Variants in FAM81B observed in about 807,000 individuals in gnomAD.
FAM81B encodes the protein family with sequence similarity 81 member B.
A neutral mutation model predicts 58.7 loss-of-function variants in FAM81B; 60 were observed. The ratio of observed to expected loss-of-function variants is 1.02; its 90% CI spans 0.83 to 1.27. FAM81B has a LOEUF of 1.27. Ranked by LOEUF, FAM81B falls within the 50% of genes most tolerant of loss-of-function variation. FAM81B has a pLI of 0.00. For missense variants in FAM81B, 491 were observed against 522.0 expected, an observed-to-expected ratio of 0.94 and a Z score of 0.58; for synonymous variants, 189 against 179.6, an observed-to-expected ratio of 1.05 and a Z score of -0.42.
chr5:95,443,965 A>G (rs558279299), intron 7 of FAM81B, among the ~76,000 whole-genome samples: 3 of 152,168 alleles, frequency 2.0e-5, no homozygotes, highest in African/African-American at 7.2e-5. Flanking sequence ...TTTATTTGTT[A>G]TACAGTAAAG....
At chr5:95,448,846 A>G in intron 9 of FAM81B, 1 of 411,512 alleles carries the variant, frequency 2.4e-6, no homozygotes, top group Non-Finnish European at 4.7e-6. Flanking sequence ...TCATTGAACT[A>G]CAAGTAATGA....
intron 3 of FAM81B, among the ~76,000 whole-genome samples, chr5:95,398,484 T>C (rs1413968627): frequency 1.3e-5 from 2 of 152,060 alleles, no homozygotes; most frequent in Non-Finnish European, 2.9e-5. Flanking sequence ...ATAGTTTTCA[T>C]TGGGTGACAA....
At chr5:95,395,341 G>GCTGAGGCAGGAGA (rs2152759912) in intron 2 of FAM81B, among the ~76,000 whole-genome samples, 1 of 151,546 alleles carries the variant, frequency 6.6e-6, no homozygotes, top group South Asian at 2.1e-4. Context: ...TACGCAGGAG[G>GCTGAGGCAGGAGA]CTGAGGCAGG....
intron 5 of FAM81B, among the ~76,000 whole-genome samples, chr5:95,426,594 G>T (rs1762836930): frequency 6.6e-6 from 1 of 152,170 alleles, no homozygotes; most frequent in Non-Finnish European, 1.5e-5. Context: ...TTACAGTTTT[G>T]AAGGTTGCGC....
At chr5:95,433,644 G>A (rs1196994073) in intron 6 of FAM81B, among the ~76,000 whole-genome samples, 1 of 152,048 alleles carries the variant, frequency 6.6e-6, no homozygotes, top group Non-Finnish European at 1.5e-5. Flanking sequence ...ATTGTTTTTG[G>A]TGGCTGGATA....
chr5:95,432,455 A>G (rs2152767810), intron 6 of FAM81B, among the ~76,000 whole-genome samples: 1 of 152,228 alleles, frequency 6.6e-6, no homozygotes, highest in South Asian at 2.1e-4. Flanking sequence ...TATTATAAGT[A>G]TTCTTTAAGG....
chr5:95,425,174 C>A lies in FAM81B; in HGVS notation c.657-3429C>A, dbSNP rs866043217. 1.4e-3 allele frequency among the ~76,000 whole-genome samples: 175 copies of A among 127,188 alleles called. 2 individuals carry two copies. The highest frequency in any genetic ancestry group is 0.014 in the Middle Eastern group (3 of 222). The allele number at this position is 127,188 out of a possible 152,430, so 83.4% of individuals were successfully genotyped here. A position where few individuals can be genotyped will look rare whatever the true frequency, so the allele number is the denominator to read the frequency against. Reference sequence around the variant, plus strand: ...TGAAGAAGAAACAGAACGAATTCTTCAAAAAAAAAAAAATCATGCCTATAA... The same window carrying A: ...TGAAGAAGAAACAGAACGAATTCTTAAAAAAAAAAAAAATCATGCCTATAA... On this transcript the variant is annotated intron_variant, in intron 5 of 9. Transcript: ENST00000283357.
chr5:95,411,946 C>T lies in FAM81B; in HGVS notation c.294-2001C>T, dbSNP rs144368088. Among the ~76,000 whole-genome samples, 625 of 152,232 alleles carry T rather than the reference C, an allele frequency of 4.1e-3. 2 individuals carry two copies. The highest frequency in any genetic ancestry group is 0.011 in the South Asian group (55 of 4,822). ...CTGCAAATGATGTGAAGATGAAATACACAGCATAGCAAATTGTGAAAAGTA... is the reference window on the plus strand; with the variant it reads ...CTGCAAATGATGTGAAGATGAAATATACAGCATAGCAAATTGTGAAAAGTA... On this transcript the variant is annotated intron_variant, in intron 3 of 9. Transcript: ENST00000283357.
chr5:95,413,947 G>A lies in FAM81B; in HGVS notation c.294G>A (p.Lys98=). ...NSTDLVEYVD[K]SHAFLPIIPN... ...GTTTCCTTTTCCTTTTTCTGATCAG[G>A]AGTCATGCTTTTCTCCCCATCATTC... The change falls in exon 4 of 10, where the codon AAG becomes AAA. Residue 98 remains lysine (K), a splice_region_variant and synonymous_variant. Transcript: ENST00000283357. 1 of 1,611,312 alleles carries A rather than the reference G, an allele frequency of 6.2e-7. No homozygotes were observed. The highest frequency in any genetic ancestry group is 8.5e-7 in the Non-Finnish European group (1 of 1,178,942).
intron 6 of FAM81B, among the ~76,000 whole-genome samples, chr5:95,429,604 C>G (rs781295223): frequency 6.6e-6 from 1 of 152,196 alleles, no homozygotes; most frequent in Non-Finnish European, 1.5e-5. Context: ...ACTCACCCAT[C>G]TTATTAGGCC....
chr5:95,415,961 A>G (rs1456617572), intron 4 of FAM81B, among the ~76,000 whole-genome samples: 1 of 152,224 alleles, frequency 6.6e-6, no homozygotes, highest in Non-Finnish European at 1.5e-5. Flanking sequence ...ACTATCTTAG[A>G]TTAGCTCTCT....
At chr5:95,439,607 AT>A (rs147473362) in intron 7 of FAM81B, among the ~76,000 whole-genome samples, 26,254 of 122,326 alleles carry the variant, frequency 0.21, 3,780 homozygotes, top group African/African-American at 0.51. Context: ...AGACAGGGTT[AT>A]TTTTTTTTTC....
intron 3 of FAM81B, among the ~76,000 whole-genome samples, chr5:95,408,214 C>T (rs1762316259): frequency 6.6e-6 from 1 of 152,100 alleles, no homozygotes; most frequent in African/African-American, 2.4e-5. Context: ...TAGCTTGCTT[C>T]TTCAAGAAAC....
chr5:95,443,316 CTTTAA>C (rs1179956257), intron 7 of FAM81B, among the ~76,000 whole-genome samples: 1 of 152,026 alleles, frequency 6.6e-6, no homozygotes, highest in Non-Finnish European at 1.5e-5. Flanking sequence ...TCGGTGTGTA[CTTTAA>C]TTTGATTAAA....
rs369803179 is a variant in FAM81B at position 95,420,343 on chromosome 5, A to G, written c.597A>G (p.Val199=). 3 of 1,613,964 alleles carry G rather than the reference A, an allele frequency of 1.9e-6. No individual in the cohort carries two copies. Among genetic ancestry groups the G allele is most frequent in the Non-Finnish European group, 2.5e-6 (3 of 1,179,830 alleles). ...CGGCCACAGGAACTAACTTTGCAGT[A>G]CACGAGATAAACATCAAACACCTAC... The part of the protein sequence containing the change: ...DQAATGTNFA[V]HEINIKHLQG... Residue 199 remains valine, a synonymous_variant, in exon 5 of 10, where the codon GTA becomes GTG. Transcript: ENST00000283357.
intron 9 of FAM81B, among the ~76,000 whole-genome samples, chr5:95,449,237 A>T (rs1210135085): frequency 6.6e-6 from 1 of 152,148 alleles, no homozygotes; most frequent in Non-Finnish European, 1.5e-5. Context: ...TTGGGAGGAC[A>T]TGAGGGTCTC....
Position 95,391,380 on chromosome 5 carries a change from C to A in FAM81B, c.-10C>A, listed in dbSNP as rs779867200. The A allele has an allele frequency of 1.2e-6, 2 of 1,611,550 alleles. No homozygotes were observed. Among genetic ancestry groups the A allele is most frequent in the South Asian group, 1.1e-5 (1 of 90,806 alleles). ...GAAGAGGCCCCAGAAACAGGAAGAC[C>A]TTAGTTAGGATGCAATTACAATTCC... On this transcript the variant is annotated 5_prime_UTR_variant, in exon 1 of 10. Coordinates refer to ENST00000283357, the MANE Select transcript of FAM81B (RefSeq NM_152548.3).
intron 3 of FAM81B, among the ~76,000 whole-genome samples, chr5:95,411,453 G>A (rs2152763056): frequency 6.6e-6 from 1 of 152,294 alleles, no homozygotes; most frequent in Non-Finnish European, 1.5e-5. Flanking sequence ...AGTAACATTT[G>A]TATTTTTACA....
chr5:95,394,689 A>G (rs1045099613), intron 2 of FAM81B, among the ~76,000 whole-genome samples: 1 of 152,156 alleles, frequency 6.6e-6, no homozygotes, highest in African/African-American at 2.4e-5. Flanking sequence ...CCATTCAGCA[A>G]TGCGGGGAGG....
Sources: gnomAD v4.1 joint callset for allele counts (sites outside exome capture counted in the v4.1 genomes callset) on GRCh38, gnomAD v4.1.1 for gene constraint, MANE v1.5 for transcripts, NCBI Gene and HGNC (gene_info 2026-07-23, HGNC 2026-07-21) for gene names.